Variants in RAD54B observed in about 807,000 individuals in gnomAD.
The protein encoded by RAD54B is RAD54 homolog B.
Under a neutral mutation model 95.8 loss-of-function variants are expected in RAD54B, and 78 were observed. That is an observed-to-expected ratio of 0.81 (90% confidence interval 0.68 to 0.98). RAD54B has a LOEUF of 0.98. Among genes scored for constraint, RAD54B ranks in the 50% least tolerant of loss-of-function variants. The pLI is 0.00. For synonymous variants in RAD54B, 328 were observed against 354.9 expected (o/e 0.92, Z 0.85); for missense variants, 957 against 1,056.6 (o/e 0.91, Z 1.31).
intron 3 of RAD54B, among the ~76,000 whole-genome samples, chr8:94,421,735 C>G (rs1406706211): frequency 2.0e-5 from 3 of 152,198 alleles, no homozygotes; most frequent in African/African-American, 7.2e-5. Flanking sequence ...AATTCTGCCC[C>G]CTACCAGGTT....
At chr8:94,430,530 C>A (rs766515854) in intron 3 of RAD54B, 12 of 835,362 alleles carry the variant, frequency 1.4e-5, no homozygotes, top group Non-Finnish European at 1.7e-5. Context: ...AGATTGCTGA[C>A]ACCCCCAGGG....
chr8:94,406,059 A>G (rs1424933389), intron 5 of RAD54B, among the ~76,000 whole-genome samples: 1 of 151,998 alleles, frequency 6.6e-6, no homozygotes, highest in Non-Finnish European at 1.5e-5. Flanking sequence ...ACACATATAT[A>G]TACATTTACA....
At chr8:94,435,680 A>C (rs1812236193) in intron 3 of RAD54B, among the ~76,000 whole-genome samples, 1 of 152,138 alleles carries the variant, frequency 6.6e-6, no homozygotes, top group Admixed American at 6.5e-5. Context: ...CATAGAAGAC[A>C]AGTTTAACCA....
chr8:94,431,636 T>G, intron 3 of RAD54B: 1 of 947,226 alleles, frequency 1.1e-6, no homozygotes, highest in Non-Finnish European at 1.3e-6. Context: ...AAAAAAAGTG[T>G]TCTCCAAATA....
At chr8:94,447,666 G>A (rs1156761874) in intron 3 of RAD54B, among the ~76,000 whole-genome samples, 1 of 152,180 alleles carries the variant, frequency 6.6e-6, no homozygotes, top group African/African-American at 2.4e-5. Context: ...AAAACCCCTG[G>A]TCACAGGAAA....
intron 2 of RAD54B, among the ~76,000 whole-genome samples, chr8:94,464,468 A>G (rs1188358463): frequency 6.6e-6 from 1 of 151,890 alleles, no homozygotes; most frequent in African/African-American, 2.4e-5. Flanking sequence ...GACCTACAGA[A>G]CTATAAGATA....
intron 3 of RAD54B, chr8:94,430,546 A>T: frequency 1.3e-6 from 1 of 753,494 alleles, no homozygotes; most frequent in Non-Finnish European, 1.6e-6. Context: ...CAGGGTTTCT[A>T]ATTCACTTGG....
At chr8:94,399,657 C>A in intron 7 of RAD54B, 36 bp from the exon 8 acceptor site, 1 of 1,556,122 alleles carries the variant, frequency 6.4e-7, no homozygotes. Context: ...AAATCAGGAA[C>A]AGAAACTATA....
chr8:94,416,821 T>A (rs189882643), intron 3 of RAD54B, among the ~76,000 whole-genome samples: 16 of 152,140 alleles, frequency 1.1e-4, no homozygotes, highest in Admixed American at 3.9e-4. Context: ...AAAACCAGCA[T>A]GACAGTTGCT....
chr8:94,408,860 G>A (rs551836260), intron 4 of RAD54B, among the ~76,000 whole-genome samples: 1 of 152,128 alleles, frequency 6.6e-6, no homozygotes, highest in South Asian at 2.1e-4. Context: ...TTAACTTTGA[G>A]GTACCTTTAA....
At chr8:94,390,043 T>A (rs896318143) in intron 10 of RAD54B, among the ~76,000 whole-genome samples, 4 of 151,944 alleles carry the variant, frequency 2.6e-5, no homozygotes, top group African/African-American at 4.8e-5. Flanking sequence ...ATAGAATCAG[T>A]TTTTTTTAAG....
At position 94,458,317 on chromosome 8, in the gene RAD54B, T is replaced by C; in HGVS notation, c.255A>G (p.Lys85=). ...EINNRDNCSG[K]YCFEAPTLAT... ...CCAGTGTAGGTGCTTCAAAACAATATTTTCCACTGCAATTATCTCTGTTAT... is the reference window on the plus strand; with the variant it reads ...CCAGTGTAGGTGCTTCAAAACAATACTTTCCACTGCAATTATCTCTGTTAT... The change falls in exon 3 of 15, where the codon AAA becomes AAG. Residue 85 remains lysine (K), a synonymous_variant. Coordinates refer to ENST00000336148, the MANE Select transcript of RAD54B (RefSeq NM_012415.3). 6.2e-7 allele frequency: 1 copy of C among 1,610,240 alleles called. No homozygotes were observed. Among genetic ancestry groups the C allele is most frequent in the African/African-American group, 1.3e-5 (1 of 74,958 alleles).
chr8:94,413,939 G>GA (rs1563647560), intron 3 of RAD54B, among the ~76,000 whole-genome samples: 1 of 150,738 alleles, frequency 6.6e-6, no homozygotes, highest in Non-Finnish European at 1.5e-5. Context: ...GGGTTCAAGC[G>GA]ATTCTCCTGC....
chr8:94,463,893 C>CAAAAAAA (rs553168595), intron 2 of RAD54B, among the ~76,000 whole-genome samples: 13 of 90,962 alleles, frequency 1.4e-4, no homozygotes, highest in South Asian at 3.6e-4. Flanking sequence ...GACCCTATCT[C>CAAAAAAA]AAAAAAAAAA....
In RAD54B at chr8:94,404,227, A is replaced by G. The variant is rs750549188; in HGVS notation, c.794T>C (p.Met265Thr). The G allele has an allele frequency of 7.6e-6, 12 of 1,588,018 alleles. No homozygotes were observed. The Admixed American group carries it at 1.7e-4, about 23-fold the overall frequency. The change falls in exon 6 of 15, where the codon ATG (methionine) becomes ACG (threonine). Residue 265 changes from methionine (M) to threonine (T), a missense_variant. Physicochemically the swap from Met to Thr is moderately conservative, Grantham distance 81. Transcript: ENST00000336148. The part of the protein sequence containing the change: ...HDPYTPNSLV[M>T]PRPDKNHQWV... ...CTGGTGATTCTTATCTGGTCGTGGC[A>G]TAACGAGGGAATCTTAAAAAATGAT... is the stretch of plus-strand genomic sequence containing the variant.
chr8:94,433,954 T>A (rs1053849671), intron 3 of RAD54B, among the ~76,000 whole-genome samples: 2 of 151,772 alleles, frequency 1.3e-5, no homozygotes, highest in African/African-American at 4.8e-5. Context: ...GCCAGAAATA[T>A]CAGATATTTA....
At chr8:94,377,567 A>C (rs1171840913) in intron 14 of RAD54B, among the ~76,000 whole-genome samples, 119 of 144,068 alleles carry the variant, frequency 8.3e-4, no homozygotes, top group African/African-American at 3.1e-3. Context: ...AAAAAAAAAA[A>C]AAAAAAAAAA....
At chr8:94,379,075 T>A (rs1382581443) in intron 12 of RAD54B, among the ~76,000 whole-genome samples, 1 of 152,172 alleles carries the variant, frequency 6.6e-6, no homozygotes, top group Non-Finnish European at 1.5e-5. Context: ...ATACTGTGCA[T>A]TAAAGTGTTG....
intron 3 of RAD54B, chr8:94,428,627 G>T (rs574527643): frequency 1.4e-5 from 9 of 662,682 alleles, no homozygotes; most frequent in African/African-American, 2.0e-5. Context: ...TTTAAATTTC[G>T]TATTACTTTT....
Sources: gnomAD v4.1 joint callset for allele counts (sites outside exome capture counted in the v4.1 genomes callset) on GRCh38, gnomAD v4.1.1 for gene constraint, MANE v1.5 for transcripts, NCBI Gene and HGNC (gene_info 2026-07-23, HGNC 2026-07-21) for gene names.